KIAA1614: variants seen among roughly 807,000 people sequenced by gnomAD.
KIAA1614 encodes the protein KIAA1614.
A neutral mutation model predicts 88.7 loss-of-function variants in KIAA1614; 76 were observed. The observed-to-expected ratio is 0.86, with a 90% CI of 0.71 to 1.04. The LOEUF (loss-of-function observed/expected upper bound fraction) is 1.04, where lower values mean the gene tolerates loss of function less well. Ranked by LOEUF, KIAA1614 falls within the 50% of genes least tolerant of loss-of-function variation. The pLI is 0.00. For synonymous variants in KIAA1614, 714 were observed against 675.5 expected, an observed-to-expected ratio of 1.06 and a Z score of -0.88; for missense variants, 1,553 against 1,582.5, an observed-to-expected ratio of 0.98 and a Z score of 0.32.
Position 180,947,243 on chromosome 1 carries a change from T to G in KIAA1614, c.*1655T>G, listed in dbSNP as rs1654616660. 6.6e-6 allele frequency: 1 copy of G among 152,348 alleles called. No individual in the cohort carries two copies. Among genetic ancestry groups the G allele is most frequent in the Non-Finnish European group, 1.5e-5 (1 of 68,174 alleles). The allele number at this position is 152,348 out of a possible 1,614,324, so 9.4% of individuals were successfully genotyped here. A position where few individuals can be genotyped will look rare whatever the true frequency, so the allele number is the denominator to read the frequency against. On this transcript the variant is annotated 3_prime_UTR_variant, in exon 9 of 9. Transcript: ENST00000367588. ...GCAACGGGTTGGGAGGAGCAGAGTT[T>G]GGAAAGATGGGGTTGTGCCACTGTA...
Position 180,928,404 on chromosome 1 carries a change from A to C in KIAA1614, c.1062-26A>C, listed in dbSNP as rs749709972. ...ATTTTCCTCTAATCCCTCCCCCACC[A>C]CCCTGGCCTGTGTGCCACGCTGCAG... On this transcript the variant is annotated intron_variant, in intron 3 of 8. Transcript: ENST00000367588. 8 of 1,561,420 alleles carry C rather than the reference A, an allele frequency of 5.1e-6. No homozygotes were observed. The South Asian group carries it at 7.2e-5, about 14-fold the overall frequency.
rs1476385901 is a variant in KIAA1614 at position 180,942,997 on chromosome 1, AGT to A, written c.3160-1387_3160-1386del. The stretch of plus-strand genomic sequence containing the variant: ...GCTGTTGGTGTGTGGTGCTGCCAAG[AGT>A]GTGTTTGCTGGGAGGCTTAGTTTTT... On this transcript the variant is annotated intron_variant, in intron 7 of 8. Transcript: ENST00000367588. 3.9e-4 allele frequency among the ~76,000 whole-genome samples: 59 copies of A among 150,220 alleles called. No homozygotes were observed. In the Middle Eastern group the frequency reaches 0.01, roughly 27 times the overall value.
intron 4 of KIAA1614, among the ~76,000 whole-genome samples, chr1:180,933,977 G>A (rs1360266958): frequency 1.3e-5 from 2 of 152,192 alleles, no homozygotes; most frequent in Admixed American, 6.5e-5. Flanking sequence ...CTTTAAGGCC[G>A]GGTGCGGTGG....
chr1:180,924,886 A>AATAATAATAATAAT lies in KIAA1614; in HGVS notation c.1062-3543_1062-3542insTAATAATAATAATA, dbSNP rs1553258598. 8.7e-4 allele frequency among the ~76,000 whole-genome samples: 124 copies of AATAATAATAATAAT among 142,634 alleles called. 2 individuals are homozygous for AATAATAATAATAAT. The highest frequency in any genetic ancestry group is 2.9e-3 in the African/African-American group (116 of 39,474). 93.6% of individuals were successfully genotyped at this position (142,634 alleles called of 152,430 possible). A position where few individuals can be genotyped will look rare whatever the true frequency, so the allele number is the denominator to read the frequency against. ...TAACAAAACAATGGTGCTAATGATA[A>AATAATAATAATAAT]AATAATAATAATAATAATAATAAAT... is the stretch of plus-strand genomic sequence containing the variant. On this transcript the variant is annotated intron_variant, in intron 3 of 8. Coordinates refer to ENST00000367588, the MANE Select transcript of KIAA1614 (RefSeq NM_020950.2).
chr1:180,935,049 G>A lies in KIAA1614; in HGVS notation c.1206-66G>A. 8.6e-7 allele frequency: 1 copy of A among 1,163,300 alleles called. No individual in the cohort carries two copies. The allele number at this position is 1,163,300 out of a possible 1,614,324, so 72.1% of individuals were successfully genotyped here. On this transcript the variant is annotated intron_variant, in intron 4 of 8. Coordinates refer to ENST00000367588, the MANE Select transcript of KIAA1614 (RefSeq NM_020950.2). This position sits in a 1 kb window ranked among gnomAD's most constrained non-coding sequence, Gnocchi z 6.1. ...TGTAGCCCAGGGTGGAGAGGGTAGG[G>A]CCGATGCGTGTCCATACCTCCCCAG...
chr1:180,935,465 T>C lies in KIAA1614; in HGVS notation c.1556T>C (p.Leu519Pro). 1.4e-6 allele frequency: 2 copies of C among 1,471,692 alleles called. No homozygotes were observed. Among genetic ancestry groups the C allele is most frequent in the Non-Finnish European group, 1.8e-6 (2 of 1,117,660 alleles). 91.2% of individuals were successfully genotyped at this position (1,471,692 alleles called of 1,614,324 possible). A position where few individuals can be genotyped will look rare whatever the true frequency, so the allele number is the denominator to read the frequency against. ...QGTFHRLVGS[L>P]DRRGHPAPPA... ...ACATTCCACAGGCTTGTGGGCAGCCTGGACCGCAGGGGACACCCGGCACCG... is the reference window on the plus strand; with the variant it reads ...ACATTCCACAGGCTTGTGGGCAGCCCGGACCGCAGGGGACACCCGGCACCG... The change falls in exon 5 of 9, where the codon CTG becomes CCG. Residue 519 changes from leucine (L) to proline (P), a missense_variant. Physicochemically the swap from Leu to Pro is moderately conservative, Grantham distance 98. Coordinates refer to ENST00000367588, the MANE Select transcript of KIAA1614 (RefSeq NM_020950.2). This position sits in a 1 kb window ranked among gnomAD's most constrained non-coding sequence, Gnocchi z 6.1.
Position 180,916,527 on chromosome 1 carries a change from C to G in KIAA1614, c.424C>G (p.Pro142Ala), listed in dbSNP as rs1447596540. Residue 142 changes from proline (P) to alanine (A), a missense_variant, in exon 2 of 9, where the codon CCT (proline) becomes GCT (alanine). Transcript: ENST00000367588. Reference protein sequence around the residue: ...GSFLPGAVVAPRTQNLPDGQL... With the variant: ...GSFLPGAVVAARTQNLPDGQL... ...TTTCCTGCCAGGTGCTGTGGTGGCT[C>G]CTCGTACCCAAAACCTGCCTGATGG... is the stretch of plus-strand genomic sequence containing the variant. The G allele has an allele frequency of 1.9e-6, 3 of 1,613,700 alleles. No individual in the cohort carries two copies. The Admixed American group carries it at 5.0e-5, about 27-fold the overall frequency.
At chr1:180,921,616 G>A (rs1331466903) in intron 3 of KIAA1614, among the ~76,000 whole-genome samples, 1 of 152,210 alleles carries the variant, frequency 6.6e-6, no homozygotes, top group African/African-American at 2.4e-5. Flanking sequence ...TTGGGCTAGG[G>A]ATCTGGGGGT....
chr1:180,928,199 G>T, intron 3 of KIAA1614: 1 of 447,940 alleles, frequency 2.2e-6, no homozygotes, highest in South Asian at 5.3e-5. Flanking sequence ...CCAAGGCCGG[G>T]CCAGCTCCCC....
rs533522709 is a variant in KIAA1614 at position 180,916,232 on chromosome 1, G to A, written c.129G>A (p.Gln43=). Residue 43 remains glutamine, a synonymous_variant, in exon 2 of 9, where the codon CAG becomes CAA. Transcript: ENST00000367588. Reference sequence around the variant, plus strand: ...TGGAGTGGAGTGGTCCTGAGCCACAGCTGGATAACGGACACCCCCCAAGAC... The same window carrying A: ...TGGAGTGGAGTGGTCCTGAGCCACAACTGGATAACGGACACCCCCCAAGAC... The part of the protein sequence containing the change: ...SAVEWSGPEP[Q]LDNGHPPRPW... 1.2e-6 allele frequency: 2 copies of A among 1,613,354 alleles called. No individual in the cohort carries two copies. Among genetic ancestry groups the A allele is most frequent in the South Asian group, 2.2e-5 (2 of 91,048 alleles).
intron 7 of KIAA1614, among the ~76,000 whole-genome samples, chr1:180,942,064 C>G (rs1319014890): frequency 6.8e-6 from 1 of 147,724 alleles, no homozygotes; most frequent in Non-Finnish European, 1.5e-5. Flanking sequence ...CCCCTCCCCA[C>G]CCCCCCAGCC....
In KIAA1614 at chr1:180,916,928, C is replaced by T; in HGVS notation, c.825C>T (p.Arg275=). The change falls in exon 2 of 9, where the codon CGC becomes CGT. Residue 275 remains arginine, a synonymous_variant. Transcript: ENST00000367588. The part of the protein sequence containing the change: ...FVPRTALLGE[R]WRAGDLEALG... ...CCAGGACGGCCCTGCTGGGTGAGCG[C>T]TGGAGAGCTGGAGACCTGGAGGCTC... 3 of 1,614,222 alleles carry T rather than the reference C, an allele frequency of 1.9e-6. No individual in the cohort carries two copies. The highest frequency in any genetic ancestry group is 2.5e-6 in the Non-Finnish European group (3 of 1,180,030).
At chr1:180,940,507 GA>G (rs1240188526) in intron 6 of KIAA1614, among the ~76,000 whole-genome samples, 2 of 151,546 alleles carry the variant, frequency 1.3e-5, no homozygotes, top group Admixed American at 1.3e-4. Context: ...TCTCAAAAAA[GA>G]AAAAAAATAT....
chr1:180,930,862 G>A (rs376961123), intron 4 of KIAA1614, among the ~76,000 whole-genome samples: 3 of 152,210 alleles, frequency 2.0e-5, no homozygotes, highest in African/African-American at 4.8e-5. Flanking sequence ...TAAAGGTTAC[G>A]CTCCGTCAAA....
At chr1:180,937,501 G>A (rs1654360561) in intron 5 of KIAA1614, among the ~76,000 whole-genome samples, 1 of 152,180 alleles carries the variant, frequency 6.6e-6, no homozygotes, top group Admixed American at 6.5e-5. Context: ...TCTGATCCCT[G>A]GTGTTGTGAT....
In KIAA1614 at chr1:180,945,748, G is replaced by A. The variant is rs527428415; in HGVS notation, c.*160G>A. 5.7e-5 allele frequency: 78 copies of A among 1,373,722 alleles called. 1 individual carries two copies. Among genetic ancestry groups the A allele is most frequent in the African/African-American group, 2.9e-4 (19 of 66,028 alleles). 85.1% of individuals were successfully genotyped at this position (1,373,722 alleles called of 1,614,324 possible). A position where few individuals can be genotyped will look rare whatever the true frequency, so the allele number is the denominator to read the frequency against. ...GAGAGTGCGTTGGTGGGGAGTGTGC[G>A]GGAGGGGGTAGAGTTGGCAGGTTTG... On this transcript the variant is annotated 3_prime_UTR_variant, in exon 9 of 9. Transcript: ENST00000367588.
chr1:180,936,261 C>T lies in KIAA1614; in HGVS notation c.2352C>T (p.Ser784=), dbSNP rs778947879. The part of the protein sequence containing the change: ...EIVSPSSLQQ[S]HAEPSAPHQA... ...TCTCTCCTTCCTCCCTGCAACAGAG[C>T]CATGCAGAGCCTTCTGCCCCACACC... Residue 784 remains serine (S), a synonymous_variant, in exon 5 of 9, where the codon AGC becomes AGT. Transcript: ENST00000367588. 2 of 1,614,186 alleles carry T rather than the reference C, an allele frequency of 1.2e-6. No individual in the cohort carries two copies. The highest frequency in any genetic ancestry group is 1.7e-5 in the Admixed American group (1 of 60,026).
At chr1:180,938,759 G>C in intron 6 of KIAA1614, 48 bp downstream of exon 6, 2 of 1,592,258 alleles carry the variant, frequency 1.3e-6, no homozygotes, top group Middle Eastern at 3.4e-4. Flanking sequence ...GTGGGAATGG[G>C]GGCTCTGGGA....
In KIAA1614 at chr1:180,916,438, C is replaced by T; in HGVS notation, c.335C>T (p.Ser112Phe). The T allele has an allele frequency of 6.2e-7, 1 of 1,614,204 alleles. No homozygotes were observed. Among genetic ancestry groups the T allele is most frequent in the Non-Finnish European group, 8.5e-7 (1 of 1,180,034 alleles). The change falls in exon 2 of 9, where the codon TCC (serine) becomes TTC (phenylalanine). Residue 112 changes from serine to phenylalanine, a missense_variant. Ser to Phe is a radical substitution (Grantham distance 155). Transcript: ENST00000367588. Reference sequence around the variant, plus strand: ...TGCTCTGCTTCCCAAGAGTGGTCATCCCCCAAGAAACCCCAATGCAGACGA... The same window carrying T: ...TGCTCTGCTTCCCAAGAGTGGTCATTCCCCAAGAAACCCCAATGCAGACGA... The part of the protein sequence containing the change: ...SPCSASQEWS[S>F]PKKPQCRRGK...
Sources: gnomAD v4.1 joint callset for allele counts (sites outside exome capture counted in the v4.1 genomes callset) on GRCh38, gnomAD v4.1.1 for gene constraint, Gnocchi (gnomAD v3.1) non-coding constraint, MANE v1.5 for transcripts, NCBI Gene and HGNC (gene_info 2026-07-23, HGNC 2026-07-21) for gene names.